BRIP1: variants seen among roughly 807,000 people sequenced by gnomAD.
The protein encoded by BRIP1 is Fanconi anemia group J protein.
A neutral mutation model predicts 119.7 loss-of-function variants in BRIP1; 88 were observed. That is an observed-to-expected ratio of 0.74 (90% CI 0.62 to 0.88). The LOEUF is 0.88. BRIP1 is among the 40% of genes least tolerant of loss of function. The pLI is 0.00. For synonymous variants in BRIP1, 443 were observed against 496.5 expected (o/e 0.89, Z 1.43); for missense variants, 1,259 against 1,455.4 (o/e 0.87, Z 2.20).
In BRIP1 at chr17:61,761,497, T is replaced by C. The variant is rs181478451; in HGVS notation, c.2097+14904A>G. Among the ~76,000 whole-genome samples the C allele has an allele frequency of 6.6e-6, 1 of 152,118 alleles. No individual in the cohort carries two copies. The highest frequency in any genetic ancestry group is 1.9e-4 in the East Asian group (1 of 5,188). ...CCTGTTTGCTGAAGACATAATCTTATATATAGAAACCCCTAAAGACTACAA... is the reference window on the plus strand; with the variant it reads ...CCTGTTTGCTGAAGACATAATCTTACATATAGAAACCCCTAAAGACTACAA... On this transcript the variant is annotated intron_variant, in intron 14 of 19. Transcript: ENST00000259008. The surrounding 1 kb of genome is among the most constrained non-coding windows in gnomAD (Gnocchi z 6.4).
chr17:61,750,692 A>G (rs965884871), intron 14 of BRIP1, among the ~76,000 whole-genome samples: 3 of 114,088 alleles, frequency 2.6e-5, no homozygotes, highest in African/African-American at 1.1e-4. Flanking sequence ...ACTTTAATAG[A>G]CATTTCTTGA....
At chr17:61,819,203 G>A (rs1043857764) in intron 6 of BRIP1, among the ~76,000 whole-genome samples, 1 of 142,718 alleles carries the variant, frequency 7.0e-6, no homozygotes, top group Non-Finnish European at 1.5e-5. Context: ...AAAAAAAAAG[G>A]CTTTTATCCA....
chr17:61,854,849 T>C (rs1004318413), intron 4 of BRIP1, among the ~76,000 whole-genome samples: 1 of 152,040 alleles, frequency 6.6e-6, no homozygotes, highest in Admixed American at 6.6e-5. Flanking sequence ...GTCTTTGTAA[T>C]AGCCCAGAAC....
At chr17:61,835,367 G>C (rs1446596740) in intron 6 of BRIP1, among the ~76,000 whole-genome samples, 1 of 151,930 alleles carries the variant, frequency 6.6e-6, no homozygotes, top group African/African-American at 2.4e-5. Flanking sequence ...AATAAATACT[G>C]GTTTGGGGAA....
In BRIP1 at chr17:61,727,774, C is replaced by G. The variant is rs9897252; in HGVS notation, c.2380-11711G>C. On this transcript the variant is annotated intron_variant, in intron 16 of 19. Coordinates refer to ENST00000259008, the MANE Select transcript of BRIP1 (RefSeq NM_032043.3). The stretch of plus-strand genomic sequence containing the variant: ...ACTCTGTCTGTCTGTCTGTCTGTCT[C>G]TCTCTCTCTCTCTCTCTATATATAT... Among the ~76,000 whole-genome samples, 279 of 84,724 alleles carry G rather than the reference C, an allele frequency of 3.3e-3. 1 individual carries two copies. Among genetic ancestry groups the G allele is most frequent in the African/African-American group, 7.2e-3 (177 of 24,636 alleles). 55.6% of individuals were successfully genotyped at this position (84,724 alleles called of 152,430 possible).
rs2077520194 is a variant in BRIP1 at position 61,775,562 on chromosome 17, G to A, written c.2097+839C>T. On this transcript the variant is annotated intron_variant, in intron 14 of 19. Coordinates refer to ENST00000259008, the MANE Select transcript of BRIP1 (RefSeq NM_032043.3). The surrounding 1 kb of genome is among the most constrained non-coding windows in gnomAD (Gnocchi z 4.4). ...GATGTTACTTTCAGGAATTATAAGT[G>A]GTTTCAATGCTTTGAATGTTAGGAG... is the stretch of plus-strand genomic sequence containing the variant. Among the ~76,000 whole-genome samples the A allele has an allele frequency of 2.0e-5, 3 of 152,022 alleles. No individual in the cohort carries two copies. The South Asian group carries it at 6.2e-4, about 32-fold the overall frequency.
chr17:61,743,910 C>A lies in BRIP1; in HGVS notation c.2257+522G>T, dbSNP rs1325614527. Among the ~76,000 whole-genome samples the A allele has an allele frequency of 2.6e-5, 4 of 152,156 alleles. No individual in the cohort carries two copies. The highest frequency in any genetic ancestry group is 4.8e-5 in the African/African-American group (2 of 41,430). ...CCATGTTGCCCAGGCTGGTCTCGAA[C>A]TCCTGGGCTCAAGTGATCCACCCGC... is the stretch of plus-strand genomic sequence containing the variant. On this transcript the variant is annotated intron_variant, in intron 15 of 19. Transcript: ENST00000259008. This position sits in a 1 kb window ranked among gnomAD's most constrained non-coding sequence, Gnocchi z 4.3.
Position 61,752,774 on chromosome 17 carries a change from T to C in BRIP1, c.2098-8183A>G, listed in dbSNP as rs1000082476. Among the ~76,000 whole-genome samples the C allele has an allele frequency of 6.6e-6, 1 of 152,136 alleles. No homozygotes were observed. Among genetic ancestry groups the C allele is most frequent in the Non-Finnish European group, 1.5e-5 (1 of 68,032 alleles). On this transcript the variant is annotated intron_variant, in intron 14 of 19. Coordinates refer to ENST00000259008, the MANE Select transcript of BRIP1 (RefSeq NM_032043.3). This position sits in a 1 kb window ranked among gnomAD's most constrained non-coding sequence, Gnocchi z 6.2. ...ACTTTATCTTTTTGAAAATTAACTG[T>C]AGAGAAAGAAAAGTGAACAGATTAT...
rs1487097477 is a variant in BRIP1, at chr17:61,853,095, A to T, written c.380-3839T>A. On this transcript the variant is annotated intron_variant, in intron 4 of 19. Coordinates refer to ENST00000259008, the MANE Select transcript of BRIP1 (RefSeq NM_032043.3). This position sits in a 1 kb window ranked among gnomAD's most constrained non-coding sequence, Gnocchi z 4.3. The stretch of plus-strand genomic sequence containing the variant: ...ACCCAATGCCTAACAACTGTAGAAC[A>T]GATTAATAAACTGTGGTATATTCAT... Among the ~76,000 whole-genome samples the T allele has an allele frequency of 6.6e-6, 1 of 152,242 alleles. No homozygotes were observed. The highest frequency in any genetic ancestry group is 1.5e-5 in the Non-Finnish European group (1 of 68,038).
rs1365687259 is a variant in BRIP1 at position 61,729,126 on chromosome 17, C to T, written c.2380-13063G>A. Among the ~76,000 whole-genome samples the T allele has an allele frequency of 6.6e-6, 1 of 151,516 alleles. No homozygotes were observed. The highest frequency in any genetic ancestry group is 2.4e-5 in the African/African-American group (1 of 41,242). On this transcript the variant is annotated intron_variant, in intron 16 of 19. Coordinates refer to ENST00000259008, the MANE Select transcript of BRIP1 (RefSeq NM_032043.3). The surrounding 1 kb of genome is among the most constrained non-coding windows in gnomAD (Gnocchi z 5.6). ...AGACACCCCATCTCTACTAAAAATA[C>T]AAATTAGCTGGGCGTGGTGGCGCAT... is the stretch of plus-strand genomic sequence containing the variant.
chr17:61,813,611 C>G, intron 6 of BRIP1, among the ~76,000 whole-genome samples: 1 of 151,868 alleles, frequency 6.6e-6, no homozygotes, highest in Non-Finnish European at 1.5e-5. Context: ...TTTTCAAGGC[C>G]AAAAAGAAAA....
chr17:61,819,336 T>C (rs1339651533), intron 6 of BRIP1, among the ~76,000 whole-genome samples: 2 of 152,040 alleles, frequency 1.3e-5, no homozygotes, highest in African/African-American at 4.8e-5. Context: ...CTCAAAAAAC[T>C]AAAAATTGAA....
chr17:61,821,384 T>G (rs2078321813), intron 6 of BRIP1, among the ~76,000 whole-genome samples: 1 of 150,682 alleles, frequency 6.6e-6, no homozygotes, highest in East Asian at 1.9e-4. Context: ...CTTTTGTTAC[T>G]TGGGGGTGGA....
intron 17 of BRIP1, among the ~76,000 whole-genome samples, chr17:61,694,333 A>G (rs2061492537): frequency 6.6e-6 from 1 of 152,118 alleles, no homozygotes; most frequent in Non-Finnish European, 1.5e-5. Context: ...ATTTAACGGG[A>G]ATCAGACAAT....
At chr17:61,783,698 A>G (rs1567816348) in intron 11 of BRIP1, 2 of 152,094 alleles carry the variant, frequency 1.3e-5, no homozygotes, top group South Asian at 4.1e-4. Flanking sequence ...CTGTAGGAAC[A>G]TAAGAAAACT....
rs1243064499 is a variant in BRIP1 at position 61,816,705 on chromosome 17, TCA to T, written c.628-7950_628-7949del. Among the ~76,000 whole-genome samples, 1 of 152,030 alleles carries T rather than the reference TCA, an allele frequency of 6.6e-6. No individual in the cohort carries two copies. Among genetic ancestry groups the T allele is most frequent in the African/African-American group, 2.4e-5 (1 of 41,362 alleles). ...CAATGAGTCTCAAAGCAGTGATGAG[TCA>T]CACCGATCAACTTCATGAGAAAAAC... On this transcript the variant is annotated intron_variant, in intron 6 of 19. Coordinates refer to ENST00000259008, the MANE Select transcript of BRIP1 (RefSeq NM_032043.3). The surrounding 1 kb of genome is among the most constrained non-coding windows in gnomAD (Gnocchi z 5.0).
chr17:61,741,899 C>T (rs1401680612), intron 16 of BRIP1, among the ~76,000 whole-genome samples: 2 of 152,236 alleles, frequency 1.3e-5, no homozygotes, highest in Non-Finnish European at 2.9e-5. Flanking sequence ...ACAAGAGAGT[C>T]AGCCTGTTCT....
rs1449461409 is a variant in BRIP1, at chr17:61,815,331, C to G, written c.628-6574G>C. Among the ~76,000 whole-genome samples the G allele has an allele frequency of 6.6e-6, 1 of 152,102 alleles. No homozygotes were observed. The highest frequency in any genetic ancestry group is 1.5e-5 in the Non-Finnish European group (1 of 67,996). Reference sequence around the variant, plus strand: ...GTGTGCATTTTTAGAAAGTGAACCCCTAACTTTAATCAAGTGCTCAAAGCA... The same window carrying G: ...GTGTGCATTTTTAGAAAGTGAACCCGTAACTTTAATCAAGTGCTCAAAGCA... On this transcript the variant is annotated intron_variant, in intron 6 of 19. Transcript: ENST00000259008. The surrounding 1 kb of genome is among the most constrained non-coding windows in gnomAD (Gnocchi z 4.1).
At chr17:61,817,732 TA>T (rs1363394286) in intron 6 of BRIP1, among the ~76,000 whole-genome samples, 1 of 152,238 alleles carries the variant, frequency 6.6e-6, no homozygotes, top group Non-Finnish European at 1.5e-5. Flanking sequence ...AGAATACATT[TA>T]AAGTATTATC....
Sources: gnomAD v4.1 joint callset for allele counts (sites outside exome capture counted in the v4.1 genomes callset) on GRCh38, gnomAD v4.1.1 for gene constraint, Gnocchi (gnomAD v3.1) non-coding constraint, MANE v1.5 for transcripts, NCBI Gene and HGNC (gene_info 2026-07-23, HGNC 2026-07-21) for gene names.